Variants in SLC30A7 observed in about 807,000 individuals in gnomAD.
SLC30A7 encodes solute carrier family 30 member 7.
In SLC30A7, 35 loss-of-function variants were observed where a neutral mutation model predicts 46.0. That is an observed-to-expected ratio of 0.76 (90% CI 0.58 to 1.01). The LOEUF (loss-of-function observed/expected upper bound fraction) is 1.01, where lower values mean the gene tolerates loss of function less well. SLC30A7 is among the 50% of genes least tolerant of loss of function. The pLI is 0.00. For synonymous variants in SLC30A7, 147 were observed against 157.8 expected (o/e 0.93, Z 0.51); for missense variants, 464 against 451.1 (o/e 1.03, Z -0.26).
chr1:100,949,815 A>G (rs1654862870), intron 8 of SLC30A7, among the ~76,000 whole-genome samples: 1 of 152,232 alleles, frequency 6.6e-6, no homozygotes, highest in South Asian at 2.1e-4. Flanking sequence ...GGGACCCACT[A>G]AGCCAGGCAT....
At chr1:100,983,283 T>C (rs1657054806), downstream of SLC30A7, among the ~76,000 whole-genome samples, 1 of 151,898 alleles carries the variant, frequency 6.6e-6, no homozygotes, top group African/African-American at 2.4e-5. Context: ...AATTTACTAC[T>C]TTTTTTCATT....
chr1:100,968,562 G>T (rs1655988559), intron 10 of SLC30A7, among the ~76,000 whole-genome samples: 1 of 152,024 alleles, frequency 6.6e-6, no homozygotes, highest in African/African-American at 2.4e-5. Context: ...TTTTTAGCAT[G>T]AACCAACAGA....
chr1:100,983,887 T>C (rs181960488), downstream of SLC30A7, among the ~76,000 whole-genome samples: 8 of 152,342 alleles, frequency 5.3e-5, no homozygotes, highest in Admixed American at 5.2e-4. Context: ...TCCATCTGAT[T>C]AGCCGTCGCT....
At chr1:100,919,116 C>T (rs1652778105) in intron 7 of SLC30A7, among the ~76,000 whole-genome samples, 1 of 152,114 alleles carries the variant, frequency 6.6e-6, no homozygotes, top group South Asian at 2.1e-4. Flanking sequence ...AGTGAGAACT[C>T]CATAATATTT....
chr1:100,913,192 A>T (rs1484526845), intron 5 of SLC30A7, among the ~76,000 whole-genome samples: 2 of 152,200 alleles, frequency 1.3e-5, no homozygotes, highest in African/African-American at 4.8e-5. Flanking sequence ...CAAATGCAGC[A>T]GCTTTCTTGT....
At chr1:100,995,672 C>CA in the SLC30A7 span, 1 of 153,638 alleles carries the variant, frequency 6.5e-6, no homozygotes, top group African/African-American at 2.4e-5. Flanking sequence ...GACGCTGCGT[C>CA]AGAGACTGGG....
intron 2 of SLC30A7, among the ~76,000 whole-genome samples, chr1:100,903,437 A>C (rs1171233792): frequency 6.6e-6 from 1 of 152,108 alleles, no homozygotes; most frequent in Non-Finnish European, 1.5e-5. Flanking sequence ...ATTTTCGGTA[A>C]TCTAACTATA....
At chr1:100,990,517 T>C in the SLC30A7 span, 1 of 1,614,180 alleles carries the variant, frequency 6.2e-7, no homozygotes, top group Non-Finnish European at 8.5e-7. Context: ...GATCAAGGAA[T>C]GCAATGGTTC....
chr1:100,988,598 C>G, the SLC30A7 span, among the ~76,000 whole-genome samples: 1 of 152,154 alleles, frequency 6.6e-6, no homozygotes, highest in African/African-American at 2.4e-5. Flanking sequence ...GTAATCCCAG[C>G]ACTTTGGGAG....
chr1:100,990,974 A>G, the SLC30A7 span, among the ~76,000 whole-genome samples: 1 of 152,244 alleles, frequency 6.6e-6, no homozygotes, highest in Non-Finnish European at 1.5e-5. Context: ...CAGGTTTTTA[A>G]TAACTTGCTT....
At chr1:100,915,242 T>TTTCC (rs1247747068) in intron 6 of SLC30A7, among the ~76,000 whole-genome samples, 5 of 149,754 alleles carry the variant, frequency 3.3e-5, no homozygotes, top group Non-Finnish European at 7.4e-5. Context: ...TCTTTCTTTC[T>TTTCC]TTCTTTCTTT....
intron 5 of SLC30A7, among the ~76,000 whole-genome samples, chr1:100,912,468 T>A (rs567651057): frequency 3.5e-4 from 54 of 152,266 alleles, no homozygotes; most frequent in African/African-American, 1.2e-3. Context: ...CTGTTTAGTG[T>A]GATATCATTT....
chr1:100,932,888 T>G (rs1653739164), intron 8 of SLC30A7, among the ~76,000 whole-genome samples: 1 of 152,192 alleles, frequency 6.6e-6, no homozygotes, highest in Non-Finnish European at 1.5e-5. Flanking sequence ...ATCTTATGGT[T>G]AAAGAGCTCT....
At chr1:100,907,788 A>T in intron 3 of SLC30A7, among the ~76,000 whole-genome samples, 1 of 146,376 alleles carries the variant, frequency 6.8e-6, no homozygotes, top group Non-Finnish European at 1.5e-5. Context: ...TCTGTCTCTC[A>T]CTCTTGTTCC....
At chr1:100,963,748 C>G (rs1570589158) in intron 9 of SLC30A7, among the ~76,000 whole-genome samples, 1 of 152,266 alleles carries the variant, frequency 6.6e-6, no homozygotes, top group East Asian at 1.9e-4. Context: ...AACTTAATTT[C>G]CATTCATTTA....
chr1:100,969,387 T>G (rs1656029750), intron 10 of SLC30A7, among the ~76,000 whole-genome samples: 1 of 152,180 alleles, frequency 6.6e-6, no homozygotes, highest in African/African-American at 2.4e-5. Context: ...CCTTATAGTG[T>G]GAGCTTCTGT....
intron 8 of SLC30A7, among the ~76,000 whole-genome samples, chr1:100,951,974 G>A (rs1026522614): frequency 9.2e-5 from 14 of 152,266 alleles, no homozygotes; most frequent in Middle Eastern, 6.8e-3. Context: ...GAAGTGGAAG[G>A]CAGAAGAGTC....
chr1:100,910,396 A>G (rs1407094583), intron 3 of SLC30A7, among the ~76,000 whole-genome samples: 3 of 152,164 alleles, frequency 2.0e-5, no homozygotes, highest in Non-Finnish European at 4.4e-5. Context: ...TTCAGAACTC[A>G]ATGGAACAAA....
intron 7 of SLC30A7, among the ~76,000 whole-genome samples, chr1:100,920,057 T>G (rs1255885447): frequency 6.6e-6 from 1 of 152,126 alleles, no homozygotes; most frequent in African/African-American, 2.4e-5. Flanking sequence ...TTAGGTAGTT[T>G]TAATGACACT....
Sources: gnomAD v4.1 joint callset for allele counts (sites outside exome capture counted in the v4.1 genomes callset) on GRCh38, gnomAD v4.1.1 for gene constraint, MANE v1.5 for transcripts, NCBI Gene and HGNC (gene_info 2026-07-23, HGNC 2026-07-21) for gene names.